The following NAA11 variants were observed in gnomAD, a reference collection of about 807,000 sequenced individuals.
NAA11 encodes the protein N-alpha-acetyltransferase 11, NatA catalytic subunit, also known as N-alpha-acetyltransferase 11.
NAA11 carries 15 observed loss-of-function variants against 16.1 expected under a neutral mutation model. The ratio of observed to expected loss-of-function variants is 0.93; its 90% CI spans 0.62 to 1.44. The LOEUF (loss-of-function observed/expected upper bound fraction) is 1.44, where lower values mean the gene tolerates loss of function less well. Among genes scored for constraint, NAA11 ranks in the 40% most tolerant of loss-of-function variants. The pLI, the probability that NAA11 is intolerant of heterozygous loss-of-function variation, is 0.00. For synonymous variants in NAA11, 122 were observed against 112.4 expected (o/e 1.09, Z -0.54); for missense variants, 298 against 291.3 (o/e 1.02, Z -0.17).
At chr4:79,243,729 G>A (rs891522404) in intron 2 of NAA11, among the ~76,000 whole-genome samples, 1 of 152,152 alleles carries the variant, frequency 6.6e-6, no homozygotes, top group Non-Finnish European at 1.5e-5. Context: ...AACAGAAAAA[G>A]AGATCGAAGC....
At chr4:79,313,770 C>T (rs188076823), downstream of NAA11, among the ~76,000 whole-genome samples, 547 of 152,248 alleles carry the variant, frequency 3.6e-3, 2 homozygotes, top group African/African-American at 0.012. Context: ...GTCACTTAGT[C>T]TGTTTCACTG....
the NAA11 span, among the ~76,000 whole-genome samples, chr4:79,186,222 A>G: frequency 2.0e-5 from 3 of 152,212 alleles, no homozygotes; most frequent in Non-Finnish European, 4.4e-5. Flanking sequence ...TTAAAAGGCT[A>G]TGAATATATT....
At chr4:79,274,610 G>A (rs763318295) in intron 2 of NAA11, among the ~76,000 whole-genome samples, 3 of 152,004 alleles carry the variant, frequency 2.0e-5, no homozygotes, top group Non-Finnish European at 2.9e-5. Context: ...CTTTATTCTC[G>A]CATCTTAGCT....
At chr4:79,228,593 TC>T (rs1467387552) in intron 2 of NAA11, among the ~76,000 whole-genome samples, 7 of 16,874 alleles carry the variant, frequency 4.1e-4, no homozygotes, top group Non-Finnish European at 2.9e-3. Context: ...CTGGATTGTT[TC>T]ATTCAGGGTA....
At position 79,256,651 on chromosome 4, in the gene NAA11, A is replaced by ATATATATATATATATATATATATATATAT. The variant is rs1722113513; in HGVS notation, c.*123-30382_*123-30381insATATATATATATATATATATATATATATA. Among the ~76,000 whole-genome samples, 20 of 130,734 alleles carry ATATATATATATATATATATATATATATAT rather than the reference A, an allele frequency of 1.5e-4. 1 individual carries two copies. Among genetic ancestry groups the ATATATATATATATATATATATATATATAT allele is most frequent in the African/African-American group, 5.8e-4 (19 of 32,574 alleles). 85.8% of individuals were successfully genotyped at this position (130,734 alleles called of 152,430 possible). ...AATGAACCATATATATATAAATATA[A>ATATATATATATATATATATATATATATAT]ATATATATATATATATATTGACACG... is the stretch of plus-strand genomic sequence containing the variant. On this transcript the variant is annotated intron_variant and NMD_transcript_variant, in intron 2 of 2. Transcript: ENST00000511542.
chr4:79,197,563 A>G, the NAA11 span: 2 of 152,000 alleles, frequency 1.3e-5, no homozygotes, highest in African/African-American at 4.8e-5. Context: ...TGCTTTAGAG[A>G]AGCTTCTCCT....
At chr4:79,187,156 A>G in the NAA11 span, among the ~76,000 whole-genome samples, 1 of 152,124 alleles carries the variant, frequency 6.6e-6, no homozygotes, top group East Asian at 1.9e-4. Flanking sequence ...ATAATTTCCC[A>G]TGTTTTATCA....
the NAA11 span, among the ~76,000 whole-genome samples, chr4:79,218,720 A>G: frequency 6.6e-6 from 1 of 152,042 alleles, no homozygotes; most frequent in East Asian, 1.9e-4. Flanking sequence ...TTCTTCTGTT[A>G]CCTTTACAAT....
At chr4:79,173,559 A>T in the NAA11 span, among the ~76,000 whole-genome samples, 1 of 150,946 alleles carries the variant, frequency 6.6e-6, no homozygotes, top group African/African-American at 2.4e-5. Context: ...GATAAATACA[A>T]CAACAAATAA....
the NAA11 span, among the ~76,000 whole-genome samples, chr4:79,189,768 A>T: frequency 6.6e-6 from 1 of 152,214 alleles, no homozygotes; most frequent in Non-Finnish European, 1.5e-5. Flanking sequence ...GTTTCTAAGG[A>T]TCCCAGACGG....
the NAA11 span, among the ~76,000 whole-genome samples, chr4:79,189,259 G>A: frequency 1.3e-5 from 2 of 151,810 alleles, no homozygotes; most frequent in Non-Finnish European, 2.9e-5. Context: ...GAGAAGAAAG[G>A]ATGCAGGATG....
intron 2 of NAA11, among the ~76,000 whole-genome samples, chr4:79,238,969 G>A (rs1265863966): frequency 6.6e-6 from 1 of 152,210 alleles, no homozygotes; most frequent in African/African-American, 2.4e-5. Context: ...GTATGGTATT[G>A]TTGAGTTGGA....
chr4:79,170,344 G>T, the NAA11 span, among the ~76,000 whole-genome samples: 1 of 152,064 alleles, frequency 6.6e-6, no homozygotes, highest in Admixed American at 6.6e-5. Context: ...CTATCACTTG[G>T]GACACATACA....
chr4:79,223,207 G>C (rs1225930960), downstream of NAA11, among the ~76,000 whole-genome samples: 23 of 150,522 alleles, frequency 1.5e-4, no homozygotes, highest in African/African-American at 4.9e-4. Context: ...TATGTTTATT[G>C]CGGCATTATT....
chr4:79,207,433 G>C, the NAA11 span, among the ~76,000 whole-genome samples: 1 of 149,950 alleles, frequency 6.7e-6, no homozygotes, highest in Admixed American at 6.7e-5. Context: ...GGAAGAAGAG[G>C]AAGAAACACA....
At chr4:79,238,660 G>A (rs1721621071) in intron 2 of NAA11, among the ~76,000 whole-genome samples, 1 of 152,130 alleles carries the variant, frequency 6.6e-6, no homozygotes, top group Non-Finnish European at 1.5e-5. Flanking sequence ...AAGTGAGATA[G>A]GGAAAAAGGA....
chr4:79,188,606 GAC>G, the NAA11 span, among the ~76,000 whole-genome samples: 1 of 148,906 alleles, frequency 6.7e-6, no homozygotes, highest in Admixed American at 6.7e-5. Flanking sequence ...AAAAAAAAAA[GAC>G]AAACTTCTGT....
the NAA11 span, among the ~76,000 whole-genome samples, chr4:79,167,322 G>A: frequency 8.4e-5 from 12 of 142,488 alleles, no homozygotes; most frequent in African/African-American, 2.7e-4. Context: ...AATCAGGGAA[G>A]AGTACAGTCC....
the NAA11 span, among the ~76,000 whole-genome samples, chr4:79,158,698 G>GGTATATAT: frequency 8.9e-6 from 1 of 112,108 alleles, no homozygotes; most frequent in Admixed American, 9.5e-5. Context: ...CACATTACCT[G>GGTATATAT]ATATATATAT....
Sources: gnomAD v4.1 joint callset for allele counts (sites outside exome capture counted in the v4.1 genomes callset) on GRCh38, gnomAD v4.1.1 for gene constraint, MANE v1.5 for transcripts, NCBI Gene and HGNC (gene_info 2026-07-23, HGNC 2026-07-21) for gene names.